The following MCC variants were observed in gnomAD, a reference collection of about 807,000 sequenced individuals.
The protein encoded by MCC is MCC regulator of Wnt signaling pathway, also known as colorectal mutant cancer protein.
Under a neutral mutation model 116.2 loss-of-function variants are expected in MCC, and 90 were observed. The observed-to-expected ratio is 0.77, with a 90% CI of 0.65 to 0.92. The LOEUF (loss-of-function observed/expected upper bound fraction) is 0.92. Among genes scored for constraint, MCC ranks in the 40% least tolerant of loss-of-function variants. The pLI is 0.00. For synonymous variants in MCC, 578 were observed against 510.5 expected (o/e 1.13, Z -1.78); for missense variants, 1,516 against 1,312.2 (o/e 1.16, Z -2.40).
chr5:113,154,010 A>G (rs1760033105), intron 3 of MCC, among the ~76,000 whole-genome samples: 1 of 152,202 alleles, frequency 6.6e-6, no homozygotes, highest in African/African-American at 2.4e-5. Context: ...ATTTTACTTA[A>G]CATATCTTCT....
chr5:113,297,619 T>TA (rs1766746326), intron 3 of MCC, among the ~76,000 whole-genome samples: 2 of 151,104 alleles, frequency 1.3e-5, no homozygotes, highest in African/African-American at 4.9e-5. Context: ...GTGCACCATG[T>TA]AGTCCCAGCT....
chr5:113,447,618 A>AG, intron 1 of MCC, among the ~76,000 whole-genome samples: 1 of 152,278 alleles, frequency 6.6e-6, no homozygotes, highest in South Asian at 2.1e-4. Context: ...GTTCTCTTAT[A>AG]GTTGGCTCAT....
At position 113,434,302 on chromosome 5, in the gene MCC, C is replaced by T; in HGVS notation, c.171-49090G>A. ...TGCAGCACCTCTGGGGCCGCATACG[C>T]TGGTGACCCACAGAAGGTCTTGCTT... On this transcript the variant is annotated intron_variant, in intron 1 of 18. Coordinates refer to ENST00000408903, the MANE Select transcript of MCC (RefSeq NM_001085377.2). This position sits in a 1 kb window ranked among gnomAD's most constrained non-coding sequence, Gnocchi z 4.2. 4.3e-6 allele frequency: 7 copies of T among 1,614,094 alleles called. No individual in the cohort carries two copies. The highest frequency in any genetic ancestry group is 5.9e-6 in the Non-Finnish European group (7 of 1,179,976).
intron 3 of MCC, among the ~76,000 whole-genome samples, chr5:113,285,719 A>G (rs1289856009): frequency 6.6e-6 from 1 of 152,132 alleles, no homozygotes; most frequent in African/African-American, 2.4e-5. Context: ...TCATTCCCTG[A>G]GAGTTTTTCC....
chr5:113,127,405 T>C (rs1359712955), intron 5 of MCC, among the ~76,000 whole-genome samples: 1 of 152,242 alleles, frequency 6.6e-6, no homozygotes, highest in Non-Finnish European at 1.5e-5. Flanking sequence ...GTTCTGCTTT[T>C]AGCTCTTTGA....
intron 8 of MCC, among the ~76,000 whole-genome samples, chr5:113,093,331 C>G (rs534986512): frequency 2.4e-4 from 37 of 152,244 alleles, no homozygotes; most frequent in African/African-American, 8.4e-4. Context: ...GCTACTCAGG[C>G]AGCTTGCTAT....
intron 1 of MCC, among the ~76,000 whole-genome samples, chr5:113,474,380 G>T (rs1772179373): frequency 6.6e-6 from 1 of 152,174 alleles, no homozygotes; most frequent in Admixed American, 6.5e-5. Context: ...GACAGGTAAG[G>T]GCGAGAGAAA....
intron 5 of MCC, among the ~76,000 whole-genome samples, chr5:113,131,968 C>T (rs1005830465): frequency 2.0e-5 from 3 of 152,080 alleles, no homozygotes; most frequent in African/African-American, 7.2e-5. Context: ...ATTTCTAAAT[C>T]GCAATAGCAA....
intron 3 of MCC, among the ~76,000 whole-genome samples, chr5:113,159,719 G>C (rs1366314105): frequency 1.3e-5 from 2 of 152,122 alleles, no homozygotes; most frequent in Non-Finnish European, 2.9e-5. Context: ...CTGGCAAAAG[G>C]GTAGTGTTCC....
At chr5:113,071,979 C>G (rs1054225582) in intron 11 of MCC, among the ~76,000 whole-genome samples, 19 of 152,316 alleles carry the variant, frequency 1.2e-4, no homozygotes, top group African/African-American at 4.6e-4. Context: ...TGAAGTTTTA[C>G]AAGATTCAGA....
chr5:113,403,081 A>C (rs1207218757), intron 1 of MCC, among the ~76,000 whole-genome samples: 1 of 152,136 alleles, frequency 6.6e-6, no homozygotes, highest in Non-Finnish European at 1.5e-5. Flanking sequence ...ACCTTGCTGC[A>C]GATTGGCAAG....
intron 3 of MCC, among the ~76,000 whole-genome samples, chr5:113,220,528 G>T (rs117823800): frequency 2.8e-4 from 42 of 151,978 alleles, no homozygotes; most frequent in Non-Finnish European, 3.1e-4. Flanking sequence ...TTTAGTGCAC[G>T]ATCTTGCACA....
chr5:113,080,815 C>CAAA (rs1236332931), intron 11 of MCC, among the ~76,000 whole-genome samples: 58 of 110,488 alleles, frequency 5.2e-4, no homozygotes, highest in Admixed American at 1.3e-3. Context: ...ACAACAACAA[C>CAAA]AAAAAAAAAA....
At chr5:113,258,347 G>T (rs561305189) in intron 3 of MCC, among the ~76,000 whole-genome samples, 1 of 152,314 alleles carries the variant, frequency 6.6e-6, no homozygotes, top group Admixed American at 6.5e-5. Context: ...ATAACAGGGG[G>T]TCCCCAACCC....
At chr5:113,113,651 C>CAAAA (rs11405354) in intron 6 of MCC, among the ~76,000 whole-genome samples, 55 of 108,334 alleles carry the variant, frequency 5.1e-4, no homozygotes, top group African/African-American at 1.9e-3. Context: ...TATGTTCTTG[C>CAAAA]AAAAAAAAAA....
intron 3 of MCC, among the ~76,000 whole-genome samples, chr5:113,208,142 T>C (rs977663097): frequency 3.3e-5 from 5 of 152,278 alleles, no homozygotes; most frequent in Middle Eastern, 3.4e-3. Flanking sequence ...AGCAGAGATA[T>C]AGCCAAGGTG....
At chr5:113,348,798 T>G (rs572224430) in intron 2 of MCC, among the ~76,000 whole-genome samples, 74 of 151,634 alleles carry the variant, frequency 4.9e-4, no homozygotes, top group Non-Finnish European at 9.9e-4. Context: ...TAAATAAAAT[T>G]GACAAACCTT....
At position 113,242,331 on chromosome 5, in the gene MCC, A is replaced by G. The variant is rs74772709; in HGVS notation, c.628-90909T>C. Among the ~76,000 whole-genome samples, 1,459 of 152,324 alleles carry G rather than the reference A, an allele frequency of 9.6e-3. 32 individuals are homozygous for G. Among genetic ancestry groups the G allele is most frequent in the African/African-American group, 0.033 (1,359 of 41,582 alleles). ...CATCATTGGTAAGTATGTCAATGGT[A>G]TAATTCTCAAACTTCTGGATGACAC... On this transcript the variant is annotated intron_variant, in intron 3 of 18. Coordinates refer to ENST00000408903, the MANE Select transcript of MCC (RefSeq NM_001085377.2).
chr5:113,195,250 G>T (rs2416313), intron 3 of MCC, among the ~76,000 whole-genome samples: 100,470 of 152,094 alleles, frequency 0.66, 35,438 homozygotes, highest in Admixed American at 0.79. Flanking sequence ...CTCGGAAGGG[G>T]TGACCAGTGT....
Sources: gnomAD v4.1 joint callset for allele counts (sites outside exome capture counted in the v4.1 genomes callset) on GRCh38, gnomAD v4.1.1 for gene constraint, Gnocchi (gnomAD v3.1) non-coding constraint, MANE v1.5 for transcripts, NCBI Gene and HGNC (gene_info 2026-07-23, HGNC 2026-07-21) for gene names.